Variants in PDE1C observed in about 807,000 individuals in gnomAD.
PDE1C encodes phosphodiesterase 1C, also known as dual specificity calcium/calmodulin-dependent 3',5'-cyclic nucleotide phosphodiesterase 1C.
In PDE1C, 62 loss-of-function variants were observed where a neutral mutation model predicts 93.1. That is an observed-to-expected ratio of 0.67 (90% confidence interval 0.54 to 0.82). The LOEUF is 0.82. Among genes scored for constraint, PDE1C ranks in the 40% least tolerant of loss-of-function variants. PDE1C has a pLI of 0.00. For missense variants in PDE1C, 742 were observed against 884.6 expected, an observed-to-expected ratio of 0.84 and a Z score of 2.04; for synonymous variants, 325 against 310.1, an observed-to-expected ratio of 1.05 and a Z score of -0.50.
intron 2 of PDE1C, among the ~76,000 whole-genome samples, chr7:31,896,970 G>A (rs1415285526): frequency 2.0e-5 from 3 of 152,172 alleles, no homozygotes. Flanking sequence ...GATTTCTGTT[G>A]CACAAATATT....
At chr7:31,924,555 C>A (rs935006840) in intron 2 of PDE1C, among the ~76,000 whole-genome samples, 1 of 132,290 alleles carries the variant, frequency 7.6e-6, no homozygotes, top group African/African-American at 2.8e-5. Context: ...TGTGATCAAC[C>A]AATCAATGAA....
At chr7:32,176,441 G>A (rs1474686103) in intron 2 of PDE1C, among the ~76,000 whole-genome samples, 1 of 152,168 alleles carries the variant, frequency 6.6e-6, no homozygotes, top group Non-Finnish European at 1.5e-5. Flanking sequence ...GAATAAGTAA[G>A]ACAGGTTGGA....
chr7:31,841,467 A>G (rs910684672), intron 9 of PDE1C, among the ~76,000 whole-genome samples: 3 of 152,060 alleles, frequency 2.0e-5, no homozygotes, highest in Non-Finnish European at 4.4e-5. Flanking sequence ...AAAAACATTC[A>G]ATATTTCACC....
chr7:32,159,618 C>A (rs1288289986), intron 3 of PDE1C, among the ~76,000 whole-genome samples: 2 of 152,060 alleles, frequency 1.3e-5, no homozygotes, highest in Non-Finnish European at 2.9e-5. Context: ...AGACTTAGCC[C>A]CAAGCCTGGT....
At chr7:31,860,990 T>C (rs1794626152) in intron 7 of PDE1C, among the ~76,000 whole-genome samples, 1 of 152,184 alleles carries the variant, frequency 6.6e-6, no homozygotes, top group African/African-American at 2.4e-5. Flanking sequence ...TATAGTCATG[T>C]CTTCATGTTC....
chr7:32,332,478 GTATCTAC>G (rs1783535674), intron 1 of PDE1C, among the ~76,000 whole-genome samples: 1 of 151,182 alleles, frequency 6.6e-6, no homozygotes, highest in South Asian at 2.1e-4. Context: ...TTTGGCTTTA[GTATCTAC>G]TAAAGCTAAA....
chr7:32,141,943 A>T (rs1336328300), intron 3 of PDE1C, among the ~76,000 whole-genome samples: 3 of 151,406 alleles, frequency 2.0e-5, no homozygotes, highest in African/African-American at 7.4e-5. Flanking sequence ...TTTATTTAAC[A>T]CCCACCCCCC....
At chr7:31,856,168 T>G (rs989061807) in intron 7 of PDE1C, among the ~76,000 whole-genome samples, 4 of 152,222 alleles carry the variant, frequency 2.6e-5, no homozygotes, top group Non-Finnish European at 2.9e-5. Context: ...GTCTTACAAT[T>G]TATAACACTG....
At chr7:31,909,336 C>T (rs1181053045) in intron 2 of PDE1C, among the ~76,000 whole-genome samples, 1 of 151,922 alleles carries the variant, frequency 6.6e-6, no homozygotes, top group African/African-American at 2.4e-5. Context: ...TAATAAAGAC[C>T]CTCTTAGTCA....
chr7:31,700,935 C>T, the PDE1C span, among the ~76,000 whole-genome samples: 1 of 152,166 alleles, frequency 6.6e-6, no homozygotes, highest in African/African-American at 2.4e-5. Context: ...TATTACTGCT[C>T]ATTAACAATG....
intron 16 of PDE1C, among the ~76,000 whole-genome samples, chr7:31,780,743 TTTG>T (rs1452029249): frequency 6.6e-6 from 1 of 152,108 alleles, no homozygotes; most frequent in Non-Finnish European, 1.5e-5. Flanking sequence ...GTTTTTATTA[TTTG>T]TTTTAGAAAG....
At chr7:31,768,171 T>G (rs544145003) in intron 17 of PDE1C, among the ~76,000 whole-genome samples, 46 of 152,320 alleles carry the variant, frequency 3.0e-4, no homozygotes, top group African/African-American at 8.7e-4. Flanking sequence ...CATCAGCAGG[T>G]GCATGACTGC....
intron 3 of PDE1C, among the ~76,000 whole-genome samples, chr7:32,091,911 A>G (rs1797492472): frequency 6.6e-6 from 1 of 152,212 alleles, no homozygotes; most frequent in Non-Finnish European, 1.5e-5. Context: ...GTTCCCAGGC[A>G]AAAGATGGTG....
At chr7:32,379,187 C>A (rs541647344) in intron 1 of PDE1C, among the ~76,000 whole-genome samples, 2 of 152,284 alleles carry the variant, frequency 1.3e-5, no homozygotes, top group East Asian at 3.9e-4. Flanking sequence ...TCTCCCCACT[C>A]ACTGTACTGT....
chr7:32,258,899 C>T (rs1051644202), intron 1 of PDE1C, among the ~76,000 whole-genome samples: 18 of 152,168 alleles, frequency 1.2e-4, no homozygotes, highest in Non-Finnish European at 1.8e-4. Context: ...TCAGTCTTCC[C>T]ATGTGTGACT....
At position 32,356,887 on chromosome 7, in the gene PDE1C, A is replaced by G. The variant is rs557995117; in HGVS notation, c.310+70935T>C. Among the ~76,000 whole-genome samples the G allele has an allele frequency of 6.6e-5, 10 of 152,276 alleles. No homozygotes were observed. The South Asian group carries it at 1.9e-3, about 28-fold the overall frequency. On this transcript the variant is annotated intron_variant, in intron 1 of 1. Coordinates refer to the PDE1C transcript ENST00000672256. Reference sequence around the variant, plus strand: ...AGAGTGAAATTCATCCCCGGGTTTGAAAAGCGAGAGTACAGTGCATGTGCA... The same window carrying G: ...AGAGTGAAATTCATCCCCGGGTTTGGAAAGCGAGAGTACAGTGCATGTGCA...
the PDE1C span, among the ~76,000 whole-genome samples, chr7:31,732,395 T>C: frequency 6.6e-6 from 1 of 152,140 alleles, no homozygotes; most frequent in South Asian, 2.1e-4. Context: ...GTAAGTGATA[T>C]TAAAATCTGT....
At chr7:31,631,978 G>T in the PDE1C span, among the ~76,000 whole-genome samples, 2 of 152,168 alleles carry the variant, frequency 1.3e-5, no homozygotes, top group African/African-American at 4.8e-5. Context: ...ACAGCAGAGG[G>T]CCCTGCAGGT....
intron 2 of PDE1C, chr7:32,209,459 C>A: frequency 2.6e-6 from 4 of 1,546,368 alleles, no homozygotes; most frequent in Non-Finnish European, 3.5e-6. Flanking sequence ...TGATGGAGAC[C>A]AGGAAAGGAG....
Sources: allele counts gnomAD v4.1 joint callset (sites outside exome capture counted in the v4.1 genomes callset), GRCh38; gene constraint gnomAD v4.1.1; transcripts MANE v1.5; gene names NCBI Gene and HGNC (gene_info 2026-07-23, HGNC 2026-07-21).